Variants in CDC42BPA observed in about 807,000 individuals in gnomAD.
The protein encoded by CDC42BPA is CDC42 binding protein kinase alpha.
Under a neutral mutation model 223.5 loss-of-function variants are expected in CDC42BPA, and 80 were observed. The observed-to-expected ratio is 0.36, with a 90% CI of 0.30 to 0.43. CDC42BPA has a LOEUF of 0.43. CDC42BPA is among the 20% of genes least tolerant of loss of function. The probability of loss-of-function intolerance (pLI) is 1.00; values close to 1 mark genes in which losing one functional copy is unlikely to be tolerated. For missense variants in CDC42BPA, 1,743 were observed against 2,099.9 expected, an observed-to-expected ratio of 0.83 and a Z score of 3.32; for synonymous variants, 694 against 718.6, an observed-to-expected ratio of 0.97 and a Z score of 0.55.
chr1:227,015,560 T>C (rs1343558980), intron 34 of CDC42BPA, among the ~76,000 whole-genome samples: 1 of 152,194 alleles, frequency 6.6e-6, no homozygotes, highest in African/African-American at 2.4e-5. Flanking sequence ...TGGCCTATGT[T>C]ATACTTTTTC....
At chr1:227,177,862 T>G (rs1410331762) in intron 5 of CDC42BPA, among the ~76,000 whole-genome samples, 1 of 152,218 alleles carries the variant, frequency 6.6e-6, no homozygotes, top group Non-Finnish European at 1.5e-5. Flanking sequence ...TGGGATAATT[T>G]TTATTGATCT....
At chr1:227,177,418 T>G (rs946679238) in intron 5 of CDC42BPA, among the ~76,000 whole-genome samples, 3 of 152,202 alleles carry the variant, frequency 2.0e-5, no homozygotes, top group Non-Finnish European at 4.4e-5. Flanking sequence ...TCTGAAGATG[T>G]TAATTACCTT....
intron 14 of CDC42BPA, among the ~76,000 whole-genome samples, chr1:227,107,412 G>C (rs1686118827): frequency 6.6e-6 from 1 of 152,006 alleles, no homozygotes; most frequent in Non-Finnish European, 1.5e-5. Context: ...TTTATTTTAA[G>C]CTCAAGTCTC....
intron 2 of CDC42BPA, among the ~76,000 whole-genome samples, chr1:227,214,563 A>AATT (rs1674501348): frequency 6.6e-6 from 1 of 152,180 alleles, no homozygotes; most frequent in Non-Finnish European, 1.5e-5. Flanking sequence ...TTAGACTCTA[A>AATT]AATCAAACCC....
intron 2 of CDC42BPA, among the ~76,000 whole-genome samples, chr1:227,216,245 C>T (rs1674826657): frequency 6.6e-6 from 1 of 152,000 alleles, no homozygotes; most frequent in Non-Finnish European, 1.5e-5. Flanking sequence ...CTATATAAAA[C>T]ACATAAAATT....
chr1:227,090,562 G>A (rs1682881757), intron 16 of CDC42BPA, among the ~76,000 whole-genome samples: 1 of 152,206 alleles, frequency 6.6e-6, no homozygotes, highest in Non-Finnish European at 1.5e-5. Context: ...TGTAATCCCA[G>A]CATTTTGGGA....
chr1:227,279,231 A>C (rs1450508661), intron 1 of CDC42BPA, among the ~76,000 whole-genome samples: 1 of 152,136 alleles, frequency 6.6e-6, no homozygotes, highest in Non-Finnish European at 1.5e-5. Context: ...TCATTAGCTC[A>C]ATTTTGAGAT....
At chr1:227,208,941 A>C (rs1319927374) in intron 3 of CDC42BPA, among the ~76,000 whole-genome samples, 1 of 152,034 alleles carries the variant, frequency 6.6e-6, no homozygotes, top group Admixed American at 6.6e-5. Flanking sequence ...GTAAATTACC[A>C]TGGGCAGTAT....
chr1:227,078,489 A>G (rs1679957488), intron 17 of CDC42BPA, among the ~76,000 whole-genome samples: 1 of 152,184 alleles, frequency 6.6e-6, no homozygotes, highest in African/African-American at 2.4e-5. Context: ...CTTATGGACT[A>G]GCCTATTAAT....
chr1:227,096,982 T>C (rs1014646095), intron 15 of CDC42BPA, among the ~76,000 whole-genome samples: 1 of 152,030 alleles, frequency 6.6e-6, no homozygotes, highest in Non-Finnish European at 1.5e-5. Context: ...CACCACCCCA[T>C]CTATGTCCAT....
chr1:227,270,838 A>G (rs1685845270), intron 1 of CDC42BPA, among the ~76,000 whole-genome samples: 1 of 152,168 alleles, frequency 6.6e-6, no homozygotes, highest in Non-Finnish European at 1.5e-5. Context: ...AACCAGAATC[A>G]TGTATGTCTG....
chr1:227,146,276 A>G (rs1347885496), intron 7 of CDC42BPA, among the ~76,000 whole-genome samples: 1 of 152,134 alleles, frequency 6.6e-6, no homozygotes. Context: ...ACATCTAGGA[A>G]GTGGCAGAAC....
In CDC42BPA at chr1:226,994,142, G is replaced by A. The variant is rs772011182; in HGVS notation, c.*126C>T. 24 of 844,190 alleles carry A rather than the reference G, an allele frequency of 2.8e-5. No individual in the cohort carries two copies. The highest frequency in any genetic ancestry group is 4.4e-5 in the Non-Finnish European group (24 of 550,032). 52.3% of individuals were successfully genotyped at this position (844,190 alleles called of 1,614,324 possible). ...GTGTCGTCAGAACTCCTGAATCCCT[G>A]TCCTGCTACTGCTGCCAGCCCCTGG... is the stretch of plus-strand genomic sequence containing the variant. On this transcript the variant is annotated 3_prime_UTR_variant, in exon 37 of 37. Coordinates refer to ENST00000366766, the MANE Select transcript of CDC42BPA (RefSeq NM_001394014.1). The surrounding 1 kb of genome is among the most constrained non-coding windows in gnomAD (Gnocchi z 4.0).
Position 227,260,404 on chromosome 1 carries a change from CA to C in CDC42BPA, c.179-6250del, listed in dbSNP as rs754114634. ...AATACAAAATGCCTGGTATACCTTG[CA>C]AGGTACATCTTTCTCCCTACTCTGT... On this transcript the variant is annotated intron_variant, in intron 1 of 36. Coordinates refer to ENST00000366766, the MANE Select transcript of CDC42BPA (RefSeq NM_001394014.1). 2.2e-4 allele frequency among the ~76,000 whole-genome samples: 33 copies of C among 150,964 alleles called. 1 individual carries two copies. The highest frequency in any genetic ancestry group is 1.3e-3 in the Admixed American group (20 of 15,230).
chr1:227,160,621 G>A lies in CDC42BPA; in HGVS notation c.615C>T (p.Asp205=). Residue 205 remains aspartate (D), a synonymous_variant, in exon 6 of 37, where the codon GAC becomes GAT. Transcript: ENST00000366766. ...LHYVHRDIKP[D]NILMDMNGHI... ...GTCCATTCATATCCATCAGTATATT[G>A]TCAGGTTTAATGTCTCTGAAAAAAT... The A allele has an allele frequency of 6.3e-7, 1 of 1,593,502 alleles. No homozygotes were observed. The highest frequency in any genetic ancestry group is 2.2e-5 in the East Asian group (1 of 44,472).
At chr1:227,273,563 A>G (rs1686354424) in intron 1 of CDC42BPA, among the ~76,000 whole-genome samples, 1 of 151,900 alleles carries the variant, frequency 6.6e-6, no homozygotes, top group Non-Finnish European at 1.5e-5. Flanking sequence ...CAACAACAAC[A>G]AAACAACTTT....
intron 5 of CDC42BPA, among the ~76,000 whole-genome samples, chr1:227,177,301 T>C (rs1207698222): frequency 6.6e-6 from 1 of 152,152 alleles, no homozygotes; most frequent in Non-Finnish European, 1.5e-5. Flanking sequence ...TGAATTCTTT[T>C]GGGTTACCTT....
At chr1:227,253,910 T>C (rs1264289055) in intron 2 of CDC42BPA, among the ~76,000 whole-genome samples, 154 bp downstream of exon 2, 1 of 152,220 alleles carries the variant, frequency 6.6e-6, no homozygotes, top group African/African-American at 2.4e-5. Context: ...AGCTATTATA[T>C]CAATCACAAC....
chr1:227,125,250 T>G (rs1008443980), intron 11 of CDC42BPA, among the ~76,000 whole-genome samples: 2 of 149,828 alleles, frequency 1.3e-5, no homozygotes, highest in African/African-American at 4.9e-5. Flanking sequence ...AATGGACAAG[T>G]GCAGGGGGAG....
Sources: gnomAD v4.1 joint callset for allele counts (sites outside exome capture counted in the v4.1 genomes callset) on GRCh38, gnomAD v4.1.1 for gene constraint, Gnocchi (gnomAD v3.1) non-coding constraint, MANE v1.5 for transcripts, NCBI Gene and HGNC (gene_info 2026-07-23, HGNC 2026-07-21) for gene names.